The following STEAP4 variants were observed in gnomAD, a reference collection of about 807,000 sequenced individuals.
STEAP4 encodes STEAP4 metalloreductase.
Under a neutral mutation model 43.6 loss-of-function variants are expected in STEAP4, and 36 were observed. The ratio of observed to expected loss-of-function variants is 0.83; its 90% confidence interval spans 0.63 to 1.09. The LOEUF is 1.09. STEAP4 is among the 50% of genes least tolerant of loss of function. The pLI is 0.00. For missense variants in STEAP4, 495 were observed against 546.5 expected (o/e 0.91, Z 0.94); for synonymous variants, 191 against 196.7 (o/e 0.97, Z 0.24).
Position 88,272,237 on chromosome 7 carries a change from GCA to G in STEAP4, c.*7159_*7160del, listed in dbSNP as rs1411827279. ...TAAGCAAGGATTTGGTGGATGAAAA[GCA>G]CAGTTTCCTTTCCCCTTGATGGGAA... is the stretch of plus-strand genomic sequence containing the variant. On this transcript the variant is annotated 3_prime_UTR_variant, in exon 5 of 5. Transcript: ENST00000380079. The G allele has an allele frequency of 1.3e-5, 2 of 152,220 alleles. No homozygotes were observed. The highest frequency in any genetic ancestry group is 1.3e-4 in the Admixed American group (2 of 15,266). 9.4% of individuals were successfully genotyped at this position (152,220 alleles called of 1,614,324 possible). A position where few individuals can be genotyped will look rare whatever the true frequency, so the allele number is the denominator to read the frequency against.
At chr7:88,290,527 G>A (rs919338320) in intron 1 of STEAP4, 9 of 152,140 alleles carry the variant, frequency 5.9e-5, no homozygotes, top group South Asian at 4.1e-4. Context: ...GCAAAACTCC[G>A]TATCGAGGGA....
At chr7:88,294,161 A>G (rs28644242) in intron 1 of STEAP4, among the ~76,000 whole-genome samples, 1,606 of 152,264 alleles carry the variant, frequency 0.011, 28 homozygotes, top group African/African-American at 0.037. Flanking sequence ...GAAATGCTCT[A>G]AAATCCAAAA....
In STEAP4 at chr7:88,303,251, T is replaced by C. The variant is rs1387857635; in HGVS notation, c.-3+3541A>G. On this transcript the variant is annotated intron_variant, in intron 1 of 4. Coordinates refer to ENST00000380079, the MANE Select transcript of STEAP4 (RefSeq NM_024636.4). ...TGGCTCACACCTGTAGTCCTAGCAC[T>C]TTGGTAGGCCAAGGCGGATGGATCA... Among the ~76,000 whole-genome samples the C allele has an allele frequency of 2.0e-5, 3 of 148,686 alleles. No homozygotes were observed. The South Asian group carries it at 6.4e-4, about 31-fold the overall frequency.
chr7:88,279,446 G>A lies in STEAP4; in HGVS notation c.1332C>T (p.Asn444=). ...KFVLIMPCVD[N]TLTRIRQGWE... is the part of the protein sequence containing the mutation. Reference sequence around the variant, plus strand: ...AGCCCTGGCGGATCCTTGTAAGGGTGTTGTCTACACATGGCATGATTAGGA... The same window carrying A: ...AGCCCTGGCGGATCCTTGTAAGGGTATTGTCTACACATGGCATGATTAGGA... The change falls in exon 5 of 5, where the codon AAC becomes AAT. Residue 444 remains asparagine (N), a synonymous_variant. Coordinates refer to ENST00000380079, the MANE Select transcript of STEAP4 (RefSeq NM_024636.4). The A allele has an allele frequency of 6.2e-7, 1 of 1,614,112 alleles. No homozygotes were observed. Among genetic ancestry groups the A allele is most frequent in the Non-Finnish European group, 8.5e-7 (1 of 1,180,010 alleles).
Position 88,272,852 on chromosome 7 carries a change from C to G in STEAP4, c.*6546G>C, listed in dbSNP as rs1852457527. ...ACTCCCTGATAATTTCCTGGAGTGC[C>G]TAAAACAAAAGATTTCCTGTTGGTG... is the stretch of plus-strand genomic sequence containing the variant. On this transcript the variant is annotated 3_prime_UTR_variant, in exon 5 of 5. Transcript: ENST00000380079. 6.6e-6 allele frequency: 1 copy of G among 152,236 alleles called. No individual in the cohort carries two copies. Among genetic ancestry groups the G allele is most frequent in the South Asian group, 2.1e-4 (1 of 4,828 alleles). The allele number at this position is 152,236 out of a possible 1,614,324, so 9.4% of individuals were successfully genotyped here. A position where few individuals can be genotyped will look rare whatever the true frequency, so the allele number is the denominator to read the frequency against.
At chr7:88,283,585 G>C (rs1852668851) in intron 2 of STEAP4, 1 of 583,496 alleles carries the variant, frequency 1.7e-6, no homozygotes, top group South Asian at 2.2e-5. Flanking sequence ...TCCAGAGGCT[G>C]ACACCATGGG....
intron 1 of STEAP4, among the ~76,000 whole-genome samples, chr7:88,284,591 G>C (rs373416252): frequency 3.2e-4 from 48 of 152,130 alleles, no homozygotes; most frequent in African/African-American, 1.1e-3. Flanking sequence ...AAATTCACTT[G>C]TTTAGTGATA....
At chr7:88,284,601 A>C (rs926181942) in intron 1 of STEAP4, among the ~76,000 whole-genome samples, 1 of 152,182 alleles carries the variant, frequency 6.6e-6, no homozygotes, top group Non-Finnish European at 1.5e-5. Context: ...GTTTAGTGAT[A>C]CCAAAAAAAA....
chr7:88,304,142 A>G (rs1202024253), intron 1 of STEAP4: 1 of 152,094 alleles, frequency 6.6e-6, no homozygotes, highest in Non-Finnish European at 1.5e-5. Flanking sequence ...CAATGAGAAC[A>G]CGTGGACTCA....
At chr7:88,283,599 C>G (rs1852669202) in intron 2 of STEAP4, 2 of 600,312 alleles carry the variant, frequency 3.3e-6, no homozygotes, top group Admixed American at 3.1e-5. Flanking sequence ...CCATGGGGTT[C>G]CATCAAACTA....
At chr7:88,303,879 G>A (rs1174523001) in intron 1 of STEAP4, among the ~76,000 whole-genome samples, 1 of 152,172 alleles carries the variant, frequency 6.6e-6, no homozygotes, top group Non-Finnish European at 1.5e-5. Context: ...TTCCAGGACT[G>A]ATTTCTTCTT....
chr7:88,298,031 G>C (rs549202722), intron 1 of STEAP4, among the ~76,000 whole-genome samples: 6 of 152,162 alleles, frequency 3.9e-5, no homozygotes, highest in African/African-American at 1.4e-4. Context: ...GTGAAAAACA[G>C]AATGTTTGCT....
Position 88,277,890 on chromosome 7 carries a change from GAAAACAAAGCCTTTAGA to G in STEAP4, c.*1491_*1507del, listed in dbSNP as rs961685765. On this transcript the variant is annotated 3_prime_UTR_variant, in exon 5 of 5. Transcript: ENST00000380079. ...TAAAAAAGAAAAAAATAATAAAAAGGAAAACAAAGCCTTTAGAAAAACAAAGCCTTTGAAAAAGGATG... is the reference window on the plus strand; with the variant it reads ...TAAAAAAGAAAAAAATAATAAAAAGGAAAACAAAGCCTTTGAAAAAGGATG... 1.3e-4 allele frequency: 19 copies of G among 151,726 alleles called. 1 individual carries two copies. In the South Asian group the frequency reaches 3.1e-3, roughly 25 times the overall value. The allele number at this position is 151,726 out of a possible 1,614,324, so 9.4% of individuals were successfully genotyped here. A position where few individuals can be genotyped will look rare whatever the true frequency, so the allele number is the denominator to read the frequency against.
chr7:88,288,917 TCTC>T (rs1283440051), intron 1 of STEAP4, among the ~76,000 whole-genome samples: 1 of 152,230 alleles, frequency 6.6e-6, no homozygotes, highest in Non-Finnish European at 1.5e-5. Flanking sequence ...GTTTGTATGA[TCTC>T]CTGCAATAAT....
chr7:88,279,690 T>C (rs1852583807), intron 4 of STEAP4, 62 bp from the exon 5 acceptor site: 1 of 1,339,408 alleles, frequency 7.5e-7, no homozygotes, highest in African/African-American at 1.5e-5. Flanking sequence ...TGAAACACTC[T>C]AAGCCAGTGA....
Position 88,273,505 on chromosome 7 carries a change from T to C in STEAP4, c.*5893A>G, listed in dbSNP as rs953143433. ...ATAGGTAATGGAACTAAGCCTGGTGTGTGTGTGTGTGTGTGTGTGTAACCC... is the reference window on the plus strand; with the variant it reads ...ATAGGTAATGGAACTAAGCCTGGTGCGTGTGTGTGTGTGTGTGTGTAACCC... On this transcript the variant is annotated 3_prime_UTR_variant, in exon 5 of 5. Transcript: ENST00000380079. 11 of 151,124 alleles carry C rather than the reference T, an allele frequency of 7.3e-5. No homozygotes were observed. The highest frequency in any genetic ancestry group is 2.7e-4 in the African/African-American group (11 of 41,306). The allele number at this position is 151,124 out of a possible 1,614,324, so 9.4% of individuals were successfully genotyped here.
rs371695006 is a variant in STEAP4 at position 88,283,818 on chromosome 7, C to T, written c.452G>A (p.Arg151Gln). 1.2e-5 allele frequency: 19 copies of T among 1,609,074 alleles called. No homozygotes were observed. The highest frequency in any genetic ancestry group is 2.2e-5 in the East Asian group (1 of 44,808). ...TGTAAATTTGTTTATTCTTACCTGCCGACTTGCATCCAGTGCTCCTGACTG... is the reference window on the plus strand; with the variant it reads ...TGTAAATTTGTTTATTCTTACCTGCTGACTTGCATCCAGTGCTCCTGACTG... ...ALQSGALDASRQVFVCGNDSK... is the reference protein window; with the variant it reads ...ALQSGALDASQQVFVCGNDSK... The change falls in exon 2 of 5, where the codon CGG becomes CAG. Residue 151 changes from arginine to glutamine, a missense_variant. By Grantham distance (43) the Arg-to-Gln change is conservative. Transcript: ENST00000380079.
Position 88,277,449 on chromosome 7 carries a change from A to C in STEAP4, c.*1949T>G, listed in dbSNP as rs1240512412. On this transcript the variant is annotated 3_prime_UTR_variant, in exon 5 of 5. Transcript: ENST00000380079. The stretch of plus-strand genomic sequence containing the variant: ...TTAGAAATGGCTTGGCAACATTATC[A>C]GTGCAAAGATATTATCTGAAATGTT... 6.6e-6 allele frequency: 1 copy of C among 152,264 alleles called. No homozygotes were observed. Among genetic ancestry groups the C allele is most frequent in the Non-Finnish European group, 1.5e-5 (1 of 68,044 alleles). 9.4% of individuals were successfully genotyped at this position (152,264 alleles called of 1,614,324 possible). A position where few individuals can be genotyped will look rare whatever the true frequency, so the allele number is the denominator to read the frequency against.
At chr7:88,282,391 C>T in intron 3 of STEAP4, 1 of 500,620 alleles carries the variant, frequency 2.0e-6, no homozygotes, top group Non-Finnish European at 3.5e-6. Context: ...ACATGATTCA[C>T]CTGCCTCGGA....
Sources: gnomAD v4.1 joint callset for allele counts (sites outside exome capture counted in the v4.1 genomes callset) on GRCh38, gnomAD v4.1.1 for gene constraint, MANE v1.5 for transcripts, NCBI Gene and HGNC (gene_info 2026-07-23, HGNC 2026-07-21) for gene names.